The following PPP3CA variants were observed in gnomAD, a reference collection of about 807,000 sequenced individuals.
PPP3CA encodes protein phosphatase 3 catalytic subunit alpha, also known as CAM-PRP catalytic subunit.
A neutral mutation model predicts 66.5 loss-of-function variants in PPP3CA; 14 were observed. The observed-to-expected ratio is 0.21, with a 90% confidence interval of 0.14 to 0.33. The LOEUF (loss-of-function observed/expected upper bound fraction) is 0.33. PPP3CA is among the 10% of genes least tolerant of loss of function. The pLI is 1.00. For synonymous variants in PPP3CA, 232 were observed against 226.2 expected (o/e 1.03, Z -0.23); for missense variants, 317 against 639.5 (o/e 0.50, Z 5.44).
intron 2 of PPP3CA, among the ~76,000 whole-genome samples, chr4:101,112,400 A>G (rs1721703112): frequency 1.3e-5 from 2 of 152,162 alleles, no homozygotes; most frequent in South Asian, 4.1e-4. Flanking sequence ...TAAAATAGAA[A>G]AAAGTAATTG....
At position 101,034,262 on chromosome 4, in the gene PPP3CA, G is replaced by C. The variant is rs1727142855; in HGVS notation, c.1242-1898C>G. Among the ~76,000 whole-genome samples, 3 of 152,002 alleles carry C rather than the reference G, an allele frequency of 2.0e-5. No homozygotes were observed. In the South Asian group the frequency reaches 6.2e-4, roughly 32 times the overall value. The stretch of plus-strand genomic sequence containing the variant: ...CTTTCTTTGTCATCCTCCTGCCCTG[G>C]CATCTGTGTGGCTCACTCCCACTCT... On this transcript the variant is annotated intron_variant, in intron 11 of 13. Coordinates refer to ENST00000394854, the MANE Select transcript of PPP3CA (RefSeq NM_000944.5).
rs549680844 is a variant in PPP3CA, at chr4:101,265,403, C to T, written c.59-69287G>A. Among the ~76,000 whole-genome samples the T allele has an allele frequency of 1.5e-4, 23 of 152,218 alleles. No homozygotes were observed. In the South Asian group the frequency reaches 3.7e-3, roughly 25 times the overall value. On this transcript the variant is annotated intron_variant, in intron 1 of 13. Transcript: ENST00000394854. The stretch of plus-strand genomic sequence containing the variant: ...GGATTACAGGTGTGTGCCATAGCAC[C>T]CAGCCCATGTCTGCTTTCTTCAAGA...
In PPP3CA at chr4:101,214,250, G is replaced by C. The variant is rs751263570; in HGVS notation, c.59-18134C>G. Among the ~76,000 whole-genome samples, 61 of 151,270 alleles carry C rather than the reference G, an allele frequency of 4.0e-4. 1 individual carries two copies. Among genetic ancestry groups the C allele is most frequent in the Non-Finnish European group, 7.4e-4 (50 of 68,010 alleles). On this transcript the variant is annotated intron_variant, in intron 1 of 13. Transcript: ENST00000394854. ...CTTTTCCTAATACCTACCAGGACTG[G>C]ACAGTTGGGTAATTTATTTAATCCT...
At chr4:101,307,168 C>CAAA (rs1331785893) in intron 1 of PPP3CA, among the ~76,000 whole-genome samples, 16 of 77,340 alleles carry the variant, frequency 2.1e-4, no homozygotes, top group African/African-American at 4.9e-4. Context: ...CACTTTGAAC[C>CAAA]AAAAAAAAAA....
chr4:101,247,700 T>G (rs1726533466), intron 1 of PPP3CA, among the ~76,000 whole-genome samples: 1 of 152,184 alleles, frequency 6.6e-6, no homozygotes, highest in Non-Finnish European at 1.5e-5. Flanking sequence ...TAGATATCAA[T>G]GTAGGTATTT....
intron 7 of PPP3CA, among the ~76,000 whole-genome samples, chr4:101,082,730 T>C (rs1415506511): frequency 2.0e-5 from 3 of 152,184 alleles, no homozygotes. Context: ...ATCAGGGATA[T>C]TACAGGGATC....
At chr4:101,265,574 CT>C (rs753091406) in intron 1 of PPP3CA, among the ~76,000 whole-genome samples, 45 of 152,274 alleles carry the variant, frequency 3.0e-4, no homozygotes, top group Non-Finnish European at 5.3e-4. Context: ...ACATGAATCA[CT>C]TGGAAACATG....
intron 1 of PPP3CA, among the ~76,000 whole-genome samples, chr4:101,331,428 T>A (rs1191497283): frequency 6.6e-6 from 1 of 152,176 alleles, no homozygotes; most frequent in Non-Finnish European, 1.5e-5. Context: ...AAATGAAGAA[T>A]AATGTGCCAG....
At chr4:101,080,663 T>C (rs1412979832) in intron 7 of PPP3CA, 37 bp from the exon 8 acceptor site, 3 of 1,264,210 alleles carry the variant, frequency 2.4e-6, no homozygotes, top group East Asian at 2.4e-5. Flanking sequence ...AAAGCTTGTA[T>C]GGAAAAAAGA....
chr4:101,173,048 C>G (rs1274529678), intron 2 of PPP3CA, among the ~76,000 whole-genome samples: 5 of 152,130 alleles, frequency 3.3e-5, no homozygotes. Flanking sequence ...CAACTTCCCT[C>G]CTCAGACTCC....
chr4:101,216,816 A>G (rs574209081), intron 1 of PPP3CA, among the ~76,000 whole-genome samples: 17 of 152,038 alleles, frequency 1.1e-4, no homozygotes, highest in Admixed American at 6.6e-5. Flanking sequence ...CTCCCAAAAT[A>G]CTCAGATTAC....
intron 2 of PPP3CA, among the ~76,000 whole-genome samples, chr4:101,127,744 T>C (rs1722291922): frequency 6.6e-6 from 1 of 152,168 alleles, no homozygotes. Context: ...GCTATACATA[T>C]GCACAACAAC....
chr4:101,153,709 C>T (rs943769419), intron 2 of PPP3CA, among the ~76,000 whole-genome samples: 16 of 152,158 alleles, frequency 1.1e-4, no homozygotes, highest in African/African-American at 3.9e-4. Flanking sequence ...AAACAAACAG[C>T]TCCCACAGGT....
intron 1 of PPP3CA, among the ~76,000 whole-genome samples, chr4:101,265,326 C>G (rs549319190): frequency 2.0e-5 from 3 of 152,170 alleles, no homozygotes; most frequent in African/African-American, 7.2e-5. Flanking sequence ...CCAGGCCAGT[C>G]TGAAACTCCT....
chr4:101,056,040 A>C (rs893840928), intron 10 of PPP3CA, among the ~76,000 whole-genome samples: 16 of 152,266 alleles, frequency 1.1e-4, no homozygotes, highest in African/African-American at 3.6e-4. Context: ...CACTGAATGA[A>C]CAAGATTTCA....
Position 101,195,574 on chromosome 4 carries a change from G to A in PPP3CA, c.259+342C>T, listed in dbSNP as rs539007421. 9.8e-4 allele frequency among the ~76,000 whole-genome samples: 149 copies of A among 152,250 alleles called. 3 individuals are homozygous for A. Among genetic ancestry groups the A allele is most frequent in the South Asian group, 1.5e-3 (7 of 4,822 alleles). ...ATACCCTTACTCAACCATTGTGGAA[G>A]TCTCGGGATACTTTGTCTAATCTTT... On this transcript the variant is annotated intron_variant, in intron 2 of 13. Transcript: ENST00000394854.
chr4:101,129,823 A>G (rs1033059463), intron 2 of PPP3CA, among the ~76,000 whole-genome samples: 2 of 152,014 alleles, frequency 1.3e-5, no homozygotes, highest in Admixed American at 6.5e-5. Context: ...AATTCCAAAA[A>G]CCAGAATGCC....
intron 12 of PPP3CA, 22 bp from the exon 13 acceptor site, chr4:101,029,217 C>CA (rs775662472): frequency 6.2e-7 from 1 of 1,601,136 alleles, no homozygotes; most frequent in South Asian, 1.1e-5. Flanking sequence ...AAAGGGGGTG[C>CA]AAAATGAATG....
chr4:101,207,363 A>G (rs1370559051), intron 1 of PPP3CA, among the ~76,000 whole-genome samples: 1 of 152,210 alleles, frequency 6.6e-6, no homozygotes, highest in Non-Finnish European at 1.5e-5. Context: ...TCCAAGACTT[A>G]ATAGACTAAC....
Sources: gnomAD v4.1 joint callset for allele counts (sites outside exome capture counted in the v4.1 genomes callset) on GRCh38, gnomAD v4.1.1 for gene constraint, MANE v1.5 for transcripts, NCBI Gene and HGNC (gene_info 2026-07-23, HGNC 2026-07-21) for gene names.